TAF2: variants seen among roughly 807,000 people sequenced by gnomAD.
TAF2 encodes the protein transcription initiation factor TFIID subunit 2.
Under a neutral mutation model 138.5 loss-of-function variants are expected in TAF2, and 61 were observed. The ratio of observed to expected loss-of-function variants is 0.44; its 90% confidence interval spans 0.36 to 0.54. The LOEUF (loss-of-function observed/expected upper bound fraction) is 0.54, where lower values mean the gene tolerates loss of function less well. Among genes scored for constraint, TAF2 ranks in the 20% least tolerant of loss-of-function variants. The pLI, the probability that TAF2 is intolerant of heterozygous loss-of-function variation, is 0.00. For synonymous variants in TAF2, 475 were observed against 469.9 expected (o/e 1.01, Z -0.14); for missense variants, 1,090 against 1,427.9 (o/e 0.76, Z 3.81).
intron 20 of TAF2, among the ~76,000 whole-genome samples, chr8:119,759,829 G>A (rs1004209677): frequency 9.2e-5 from 14 of 151,946 alleles, no homozygotes; most frequent in African/African-American, 3.4e-4. Context: ...GAAAATCTTG[G>A]GTCATAATTT....
chr8:119,831,662 T>G lies in TAF2; in HGVS notation c.138+15A>C. 2 of 1,594,744 alleles carry G rather than the reference T, an allele frequency of 1.3e-6. No individual in the cohort carries two copies. The highest frequency in any genetic ancestry group is 1.7e-6 in the Non-Finnish European group (2 of 1,164,792). Reference sequence around the variant, plus strand: ...TGGACTTGTTACTATTTATAATTGTTGAGAATAAACTTACCACAACAGATT... The same window carrying G: ...TGGACTTGTTACTATTTATAATTGTGGAGAATAAACTTACCACAACAGATT... On this transcript the variant is annotated intron_variant, in intron 2 of 25. Coordinates refer to ENST00000378164, the MANE Select transcript of TAF2 (RefSeq NM_003184.4).
intron 6 of TAF2, among the ~76,000 whole-genome samples, chr8:119,800,826 GAGA>G (rs1335363362): frequency 6.6e-6 from 1 of 152,092 alleles, no homozygotes; most frequent in East Asian, 1.9e-4. Context: ...AAATGCTGTG[GAGA>G]TATACGTGGT....
At chr8:119,757,329 A>C (rs1301880114) in intron 21 of TAF2, among the ~76,000 whole-genome samples, 1 of 152,156 alleles carries the variant, frequency 6.6e-6, no homozygotes, top group Non-Finnish European at 1.5e-5. Flanking sequence ...TGGGGATATA[A>C]ATCTTTATGG....
At chr8:119,811,192 G>A (rs953446454) in intron 3 of TAF2, among the ~76,000 whole-genome samples, 1 of 152,048 alleles carries the variant, frequency 6.6e-6, no homozygotes, top group African/African-American at 2.4e-5. Flanking sequence ...TGAAAAATTA[G>A]TAAATTAAGG....
intron 4 of TAF2, 83 bp from the exon 5 acceptor site, chr8:119,804,102 T>C: frequency 2.0e-6 from 3 of 1,504,556 alleles, no homozygotes; most frequent in South Asian, 1.1e-5. Flanking sequence ...ATGCTGAACA[T>C]GAAATGGAAT....
chr8:119,760,470 A>G, intron 20 of TAF2, 129 bp downstream of exon 20: 1 of 1,023,936 alleles, frequency 9.8e-7, no homozygotes, highest in East Asian at 2.6e-5. Flanking sequence ...TGATTTCTAA[A>G]TCACTAAGTC....
chr8:119,742,612 G>T lies in TAF2; in HGVS notation c.3259C>A (p.Pro1087Thr). ...RPASSRSALI[P>T]QHSAGCDSTP... ...CTGTCACAGCCTGCTGAGTGCTGGG[G>T]TATTAAAGCAGATCGGGAGCTAGCT... is the stretch of plus-strand genomic sequence containing the variant. Residue 1087 changes from proline (P) to threonine (T), a missense_variant, in exon 25 of 26, where the codon CCC (proline) becomes ACC (threonine). Transcript: ENST00000378164. 1 of 1,613,910 alleles carries T rather than the reference G, an allele frequency of 6.2e-7. No individual in the cohort carries two copies. Among genetic ancestry groups the T allele is most frequent in the Non-Finnish European group, 8.5e-7 (1 of 1,179,968 alleles).
At position 119,782,879 on chromosome 8, in the gene TAF2, G is replaced by T. The variant is rs953615; in HGVS notation, c.2112+502C>A. Among the ~76,000 whole-genome samples the T allele has an allele frequency of 4.6e-5, 7 of 151,986 alleles. No homozygotes were observed. The South Asian group carries it at 1.5e-3, about 32-fold the overall frequency. ...CAAGCACAGTGGAGCATGGTGGCACGTGCCTGTAATCCCAGCTGTGTTGGG... is the reference window on the plus strand; with the variant it reads ...CAAGCACAGTGGAGCATGGTGGCACTTGCCTGTAATCCCAGCTGTGTTGGG... On this transcript the variant is annotated intron_variant, in intron 16 of 25. Coordinates refer to ENST00000378164, the MANE Select transcript of TAF2 (RefSeq NM_003184.4).
chr8:119,731,779 A>C lies in TAF2; in HGVS notation c.*145T>G. On this transcript the variant is annotated 3_prime_UTR_variant, in exon 26 of 26. Transcript: ENST00000378164. ...CCAACTGTATAAATAACATAAATCA[A>C]ATGCTTAGAACTTAAATGAATTCAG... 2.5e-6 allele frequency: 2 copies of C among 795,204 alleles called. No individual in the cohort carries two copies. Among genetic ancestry groups the C allele is most frequent in the Admixed American group, 4.5e-5 (2 of 44,478 alleles). The allele number at this position is 795,204 out of a possible 1,614,324, so 49.3% of individuals were successfully genotyped here. A position where few individuals can be genotyped will look rare whatever the true frequency, so the allele number is the denominator to read the frequency against.
intron 1 of TAF2, 73 bp downstream of exon 1, chr8:119,832,409 T>C (rs946486300): frequency 3.4e-6 from 5 of 1,459,404 alleles, no homozygotes; most frequent in Non-Finnish European, 4.8e-6. Flanking sequence ...ACCAAGTCAA[T>C]TTCAAGCAAT....
intron 5 of TAF2, among the ~76,000 whole-genome samples, chr8:119,802,413 A>C (rs1824329126): frequency 6.6e-6 from 1 of 152,226 alleles, no homozygotes; most frequent in Admixed American, 6.5e-5. Context: ...TAACATTCAG[A>C]ATTTATTCCA....
At chr8:119,751,908 AAAC>A (rs1209735292) in intron 22 of TAF2, among the ~76,000 whole-genome samples, 1 of 152,158 alleles carries the variant, frequency 6.6e-6, no homozygotes, top group Non-Finnish European at 1.5e-5. Flanking sequence ...GCATTTTTGG[AAAC>A]AACTGGGGAA....
chr8:119,816,218 T>A (rs1385958296), intron 3 of TAF2, among the ~76,000 whole-genome samples: 2 of 151,758 alleles, frequency 1.3e-5, no homozygotes, highest in Non-Finnish European at 2.9e-5. Context: ...ACCCGGCTAA[T>A]TTTTTGTATT....
At chr8:119,754,755 C>T (rs1820585276) in intron 22 of TAF2, among the ~76,000 whole-genome samples, 1 of 152,064 alleles carries the variant, frequency 6.6e-6, no homozygotes, top group Non-Finnish European at 1.5e-5. Flanking sequence ...TCTCTTTAAG[C>T]AAAAGACATT....
At chr8:119,752,919 G>C (rs1162562301) in intron 22 of TAF2, among the ~76,000 whole-genome samples, 1 of 152,100 alleles carries the variant, frequency 6.6e-6, no homozygotes, top group African/African-American at 2.4e-5. Flanking sequence ...TATCTCAAGT[G>C]ACCAGATAGC....
At chr8:119,742,301 A>G (rs896488910) in intron 25 of TAF2, among the ~76,000 whole-genome samples, 3 of 151,546 alleles carry the variant, frequency 2.0e-5, no homozygotes, top group African/African-American at 4.8e-5. Flanking sequence ...TTTCTCACCT[A>G]ATTTTCTTTT....
At chr8:119,793,796 G>A (rs562517005) in intron 9 of TAF2, among the ~76,000 whole-genome samples, 1 of 149,772 alleles carries the variant, frequency 6.7e-6, no homozygotes, top group Non-Finnish European at 1.5e-5. Flanking sequence ...GAGTAAAAAG[G>A]AATGGGAATA....
In TAF2 at chr8:119,783,583, A is replaced by T; in HGVS notation, c.1910T>A (p.Leu637Ter). 6.2e-7 allele frequency: 1 copy of T among 1,614,174 alleles called. No homozygotes were observed. Among genetic ancestry groups the T allele is most frequent in the Non-Finnish European group, 8.5e-7 (1 of 1,180,018 alleles). Residue 637 changes from leucine to a stop codon, truncating the protein, a stop_gained, in exon 16 of 26, where the codon TTG becomes TAG. Coordinates refer to ENST00000378164, the MANE Select transcript of TAF2 (RefSeq NM_003184.4). LOFTEE classifies it high-confidence loss of function. ...WIRIDPDMSV[L>*]RKVEFEQADF... ...AGCTTGCTCAAATTCTACCTTCCTC[A>T]ATACTGACATATCTGGGTCTATCCT... is the stretch of plus-strand genomic sequence containing the variant.
Position 119,783,239 on chromosome 8 carries a change from A to G in TAF2, c.2112+142T>C, listed in dbSNP as rs369374620. On this transcript the variant is annotated intron_variant, in intron 16 of 25. Transcript: ENST00000378164. ...AACATGTTTCTTTCAAAACAGTCCT[A>G]TTAATTTAAAAGCACTTTGGCAAAA... is the stretch of plus-strand genomic sequence containing the variant. 79 of 884,830 alleles carry G rather than the reference A, an allele frequency of 8.9e-5. No homozygotes were observed. In the African/African-American group the frequency reaches 1.2e-3, roughly 13 times the overall value. 54.8% of individuals were successfully genotyped at this position (884,830 alleles called of 1,614,324 possible).
Sources: allele counts gnomAD v4.1 joint callset (sites outside exome capture counted in the v4.1 genomes callset), GRCh38; gene constraint gnomAD v4.1.1; transcripts MANE v1.5; gene names NCBI Gene and HGNC (gene_info 2026-07-23, HGNC 2026-07-21).